NAALADL2: variants seen among roughly 807,000 people sequenced by gnomAD.
The protein encoded by NAALADL2 is inactive N-acetylated-alpha-linked acidic dipeptidase-like protein 2.
A neutral mutation model predicts 87.2 loss-of-function variants in NAALADL2; 76 were observed. The observed-to-expected ratio is 0.87, with a 90% CI of 0.72 to 1.05. NAALADL2 has a LOEUF of 1.05. Ranked by LOEUF, NAALADL2 falls within the 50% of genes least tolerant of loss-of-function variation. The pLI is 0.00. For missense variants in NAALADL2, 1,089 were observed against 945.8 expected (o/e 1.15, Z -1.99); for synonymous variants, 354 against 331.0 (o/e 1.07, Z -0.75).
At chr3:175,172,252 G>C (rs1734949318) in intron 2 of NAALADL2, among the ~76,000 whole-genome samples, 2 of 140,614 alleles carry the variant, frequency 1.4e-5, no homozygotes, top group African/African-American at 2.5e-5. Context: ...TGGAAGATAT[G>C]TATCTTCATA....
At chr3:174,444,296 T>G (rs899461287) in intron 1 of NAALADL2, among the ~76,000 whole-genome samples, 2 of 152,136 alleles carry the variant, frequency 1.3e-5, no homozygotes, top group African/African-American at 4.8e-5. Flanking sequence ...AGGTGGGGAA[T>G]GTGGATGTTC....
intron 11 of NAALADL2, among the ~76,000 whole-genome samples, chr3:175,695,404 C>T (rs1737633506): frequency 6.6e-6 from 1 of 151,894 alleles, no homozygotes; most frequent in African/African-American, 2.4e-5. Flanking sequence ...TCAGAATATT[C>T]TCAAACTGTA....
At chr3:174,582,924 G>GT (rs1024027435) in intron 2 of NAALADL2, among the ~76,000 whole-genome samples, 6 of 152,020 alleles carry the variant, frequency 3.9e-5, no homozygotes, top group Non-Finnish European at 7.4e-5. Flanking sequence ...AACATTTGTA[G>GT]TTTTTTAAAC....
intron 3 of NAALADL2, among the ~76,000 whole-genome samples, chr3:175,255,643 G>A (rs1222474665): frequency 6.6e-6 from 1 of 152,168 alleles, no homozygotes. Flanking sequence ...CTGCAGTTCA[G>A]TGCTTTTTAA....
intron 1 of NAALADL2, among the ~76,000 whole-genome samples, chr3:174,458,035 G>A (rs1349000159): frequency 6.6e-6 from 1 of 152,062 alleles, no homozygotes; most frequent in East Asian, 1.9e-4. Context: ...AATAACTAAT[G>A]GGTACCAAGC....
At chr3:175,261,572 C>T (rs573203947) in intron 4 of NAALADL2, among the ~76,000 whole-genome samples, 365 of 151,856 alleles carry the variant, frequency 2.4e-3, no homozygotes, top group African/African-American at 8.5e-3. Flanking sequence ...AACTCTATTG[C>T]TTTTTTTTAT....
At chr3:175,061,505 T>C (rs1713475794) in intron 1 of NAALADL2, among the ~76,000 whole-genome samples, 1 of 152,040 alleles carries the variant, frequency 6.6e-6, no homozygotes, top group Admixed American at 6.6e-5. Flanking sequence ...AGTCTTCTGC[T>C]AGGGCTGGCT....
intron 9 of NAALADL2, among the ~76,000 whole-genome samples, chr3:175,575,720 T>C (rs548378482): frequency 4.3e-4 from 66 of 152,336 alleles, no homozygotes; most frequent in South Asian, 3.3e-3. Flanking sequence ...CTTTTTTAAA[T>C]ATCGTCAGAG....
At chr3:174,804,447 A>T (rs1487264640) in intron 3 of NAALADL2, among the ~76,000 whole-genome samples, 1 of 152,136 alleles carries the variant, frequency 6.6e-6, no homozygotes, top group Non-Finnish European at 1.5e-5. Flanking sequence ...TCCTAATTGA[A>T]TACCCATTAT....
At chr3:174,912,367 G>T (rs1466159043) in intron 1 of NAALADL2, among the ~76,000 whole-genome samples, 1 of 151,286 alleles carries the variant, frequency 6.6e-6, no homozygotes, top group Non-Finnish European at 1.5e-5. Flanking sequence ...CCTTGCAGTT[G>T]CTGAGGTAAC....
intron 4 of NAALADL2, among the ~76,000 whole-genome samples, chr3:175,291,354 A>G (rs1261041080): frequency 6.6e-6 from 1 of 152,136 alleles, no homozygotes; most frequent in African/African-American, 2.4e-5. Flanking sequence ...CTTATTATAT[A>G]TTTGCATGTT....
In NAALADL2 at chr3:174,935,474, G is replaced by A. The variant is rs186556421; in HGVS notation, c.43+76024G>A. ...CATTACTTATAGAATAATTTGATAC[G>A]TCTTTTGCCTTATCAGTCTTGTATT... On this transcript the variant is annotated intron_variant, in intron 1 of 13. Transcript: ENST00000454872. 3.4e-4 allele frequency among the ~76,000 whole-genome samples: 51 copies of A among 152,222 alleles called. No homozygotes were observed. The South Asian group carries it at 8.3e-3, about 25-fold the overall frequency.
chr3:174,654,973 G>A (rs764756097), intron 2 of NAALADL2, among the ~76,000 whole-genome samples: 1 of 152,162 alleles, frequency 6.6e-6, no homozygotes, highest in Non-Finnish European at 1.5e-5. Flanking sequence ...CTGACCTCTT[G>A]ATCTGCCCTC....
intron 6 of NAALADL2, among the ~76,000 whole-genome samples, chr3:175,458,152 C>T (rs948314431): frequency 3.9e-5 from 6 of 151,996 alleles, no homozygotes; most frequent in African/African-American, 1.5e-4. Context: ...CTGTTATCAG[C>T]CAATTCTCCA....
At chr3:174,776,160 T>C (rs1309994484) in intron 3 of NAALADL2, among the ~76,000 whole-genome samples, 4 of 152,166 alleles carry the variant, frequency 2.6e-5, no homozygotes, top group African/African-American at 9.7e-5. Flanking sequence ...CAAATATTTC[T>C]TATTTAAACC....
intron 1 of NAALADL2, among the ~76,000 whole-genome samples, chr3:174,898,261 G>T (rs1055299905): frequency 2.7e-5 from 4 of 150,872 alleles, no homozygotes; most frequent in African/African-American, 9.7e-5. Context: ...ACTTCTTTGT[G>T]TGACCTAAAA....
intron 3 of NAALADL2, among the ~76,000 whole-genome samples, chr3:175,255,299 T>C (rs1749741331): frequency 6.6e-6 from 1 of 152,202 alleles, no homozygotes; most frequent in African/African-American, 2.4e-5. Context: ...CTTGGAGGTA[T>C]TCATATGTTC....
chr3:174,658,123 T>C (rs1725151932), intron 2 of NAALADL2, among the ~76,000 whole-genome samples: 1 of 152,158 alleles, frequency 6.6e-6, no homozygotes, highest in Non-Finnish European at 1.5e-5. Context: ...TGTGTTCTCA[T>C]TTCTTTTGGA....
chr3:175,264,724 A>G (rs1460269257), intron 4 of NAALADL2, among the ~76,000 whole-genome samples: 1 of 151,720 alleles, frequency 6.6e-6, no homozygotes, highest in African/African-American at 2.4e-5. Flanking sequence ...AAGATGGTAC[A>G]TGCTTTAGAT....
Sources: gnomAD v4.1 joint callset for allele counts (sites outside exome capture counted in the v4.1 genomes callset) on GRCh38, gnomAD v4.1.1 for gene constraint, MANE v1.5 for transcripts, NCBI Gene and HGNC (gene_info 2026-07-23, HGNC 2026-07-21) for gene names.